AUH: variants seen among roughly 807,000 people sequenced by gnomAD.
AUH encodes AU RNA binding methylglutaconyl-CoA hydratase, also known as methylglutaconyl-CoA hydratase, mitochondrial.
Under a neutral mutation model 42.3 loss-of-function variants are expected in AUH, and 29 were observed. The ratio of observed to expected loss-of-function variants is 0.69; its 90% confidence interval spans 0.51 to 0.93. The LOEUF (loss-of-function observed/expected upper bound fraction) is 0.93, where lower values mean the gene tolerates loss of function less well. Ranked by LOEUF, AUH falls within the 40% of genes least tolerant of loss-of-function variation. The pLI is 0.00. For synonymous variants in AUH, 174 were observed against 166.4 expected, an observed-to-expected ratio of 1.05 and a Z score of -0.35; for missense variants, 452 against 438.1, an observed-to-expected ratio of 1.03 and a Z score of -0.28.
intron 6 of AUH, among the ~76,000 whole-genome samples, chr9:91,238,293 A>G (rs963887444): frequency 2.6e-5 from 4 of 152,180 alleles, no homozygotes; most frequent in African/African-American, 9.6e-5. Context: ...AAGCCTTGCA[A>G]TCAGGTCTGC....
chr9:91,257,417 G>C (rs964269870), intron 6 of AUH, among the ~76,000 whole-genome samples: 10 of 152,100 alleles, frequency 6.6e-5, no homozygotes, highest in African/African-American at 2.2e-4. Flanking sequence ...GCCACCCAGA[G>C]AACAGGAGCA....
chr9:91,267,106 T>C (rs1449999448), intron 6 of AUH, among the ~76,000 whole-genome samples: 1 of 152,178 alleles, frequency 6.6e-6, no homozygotes, highest in Non-Finnish European at 1.5e-5. Context: ...TCATTGAAAC[T>C]TAGAACTAGC....
chr9:91,255,708 T>C (rs1454578970), intron 6 of AUH, among the ~76,000 whole-genome samples: 2 of 152,212 alleles, frequency 1.3e-5, no homozygotes, highest in Non-Finnish European at 2.9e-5. Flanking sequence ...ATATAAAAGC[T>C]ATTTATACTG....
At chr9:91,294,275 C>T (rs113778936) in intron 6 of AUH, among the ~76,000 whole-genome samples, 17,402 of 152,174 alleles carry the variant, frequency 0.11, 1,119 homozygotes, top group African/African-American at 0.17. Flanking sequence ...TCAGGCTGGG[C>T]GTGGTGGCTC....
At chr9:91,358,034 G>A (rs572190590) in intron 1 of AUH, among the ~76,000 whole-genome samples, 1 of 152,164 alleles carries the variant, frequency 6.6e-6, no homozygotes, top group African/African-American at 2.4e-5. Context: ...GACACAATTC[G>A]AGTCCAATCA....
In AUH at chr9:91,356,166, G is replaced by A. The variant is rs759369259; in HGVS notation, c.263-11C>T. 3.1e-6 allele frequency: 5 copies of A among 1,612,118 alleles called. No individual in the cohort carries two copies. In the Admixed American group the frequency reaches 8.3e-5, roughly 27 times the overall value. On this transcript the variant is annotated splice_polypyrimidine_tract_variant and intron_variant, in intron 1 of 9. Coordinates refer to ENST00000375731, the MANE Select transcript of AUH (RefSeq NM_001698.3). Reference sequence around the variant, plus strand: ...CAAGCACCACAATTCCTAGTTAAAGGGGAAAAAAAGTACAAGCACTTGAGT... The same window carrying A: ...CAAGCACCACAATTCCTAGTTAAAGAGGAAAAAAAGTACAAGCACTTGAGT...
intron 3 of AUH, among the ~76,000 whole-genome samples, chr9:91,329,028 CTTTT>C (rs749149990): frequency 1.6e-4 from 25 of 152,206 alleles, no homozygotes; most frequent in Admixed American, 1.1e-3. Context: ...AATATGTGGT[CTTTT>C]TTTGTCTGTT....
chr9:91,357,086 G>T (rs1832470440), intron 1 of AUH, among the ~76,000 whole-genome samples: 1 of 152,210 alleles, frequency 6.6e-6, no homozygotes. Context: ...GAGTAAATTT[G>T]CAAGAATTCC....
chr9:91,320,714 A>G (rs1471474781), intron 4 of AUH, among the ~76,000 whole-genome samples: 1 of 152,226 alleles, frequency 6.6e-6, no homozygotes, highest in African/African-American at 2.4e-5. Flanking sequence ...CGTGGACAGA[A>G]AATATGGTCT....
chr9:91,233,245 C>G (rs1827991481), intron 6 of AUH, among the ~76,000 whole-genome samples: 1 of 152,138 alleles, frequency 6.6e-6, no homozygotes, highest in Admixed American at 6.5e-5. Flanking sequence ...GACACTGGAG[C>G]TGAGGCAGGA....
At position 91,355,826 on chromosome 9, in the gene AUH, A is replaced by G. The variant is rs1832366788; in HGVS notation, c.418+57T>C. The G allele has an allele frequency of 2.8e-6, 4 of 1,453,894 alleles. No individual in the cohort carries two copies. The Admixed American group carries it at 5.0e-5, about 18-fold the overall frequency. 90.1% of individuals were successfully genotyped at this position (1,453,894 alleles called of 1,614,324 possible). On this transcript the variant is annotated intron_variant, in intron 3 of 9. Coordinates refer to ENST00000375731, the MANE Select transcript of AUH (RefSeq NM_001698.3). ...AGAACATTCTAATGGAAAACAGATT[A>G]CTATTGAGGAAAAATCAGACTACAG...
intron 3 of AUH, among the ~76,000 whole-genome samples, chr9:91,325,894 T>TACA (rs1829934755): frequency 2.6e-5 from 4 of 152,192 alleles, no homozygotes; most frequent in Non-Finnish European, 4.4e-5. Context: ...AAGGGCAGAT[T>TACA]ACACTTTGGT....
chr9:91,244,470 T>G (rs2131354948), intron 6 of AUH, among the ~76,000 whole-genome samples: 1 of 152,336 alleles, frequency 6.6e-6, no homozygotes, highest in East Asian at 1.9e-4. Flanking sequence ...AATAAACATG[T>G]TTTAACAAAT....
intron 6 of AUH, among the ~76,000 whole-genome samples, chr9:91,283,057 T>C (rs1476540403): frequency 1.3e-5 from 2 of 152,062 alleles, no homozygotes; most frequent in Non-Finnish European, 2.9e-5. Context: ...GGTGCAAAAA[T>C]CCTCAATAAA....
intron 3 of AUH, among the ~76,000 whole-genome samples, chr9:91,338,410 G>A (rs1587891306): frequency 1.3e-5 from 2 of 150,534 alleles, no homozygotes; most frequent in Admixed American, 1.3e-4. Flanking sequence ...TGAACTAACA[G>A]AGACTGATTT....
chr9:91,246,946 C>A (rs527601056), intron 6 of AUH, among the ~76,000 whole-genome samples: 1 of 152,344 alleles, frequency 6.6e-6, no homozygotes, highest in East Asian at 1.9e-4. Context: ...GGAGCCATGC[C>A]AGCAATGCCT....
intron 6 of AUH, among the ~76,000 whole-genome samples, chr9:91,277,690 T>G (rs752760065): frequency 2.6e-4 from 40 of 152,334 alleles, no homozygotes; most frequent in Middle Eastern, 3.4e-3. Flanking sequence ...CTGTTTTCCC[T>G]ATTGTTTGAA....
rs540613783 is a variant in AUH, at chr9:91,214,289, G to A, written c.*59C>T. 3.5e-5 allele frequency: 50 copies of A among 1,448,446 alleles called. 2 individuals carry two copies. The highest frequency in any genetic ancestry group is 3.5e-4 in the South Asian group (29 of 84,052). 89.7% of individuals were successfully genotyped at this position (1,448,446 alleles called of 1,614,324 possible). A position where few individuals can be genotyped will look rare whatever the true frequency, so the allele number is the denominator to read the frequency against. Reference sequence around the variant, plus strand: ...ATGTGCTGAGGCATATAGTGGATCCGAAAGACACTTCCAGGAAGTACATTT... The same window carrying A: ...ATGTGCTGAGGCATATAGTGGATCCAAAAGACACTTCCAGGAAGTACATTT... On this transcript the variant is annotated 3_prime_UTR_variant, in exon 10 of 10. Transcript: ENST00000375731.
chr9:91,281,910 C>T (rs1338847294), intron 6 of AUH, among the ~76,000 whole-genome samples: 1 of 152,152 alleles, frequency 6.6e-6, no homozygotes, highest in South Asian at 2.1e-4. Flanking sequence ...CTATTGTCTG[C>T]TCCTAACACA....
Sources: allele counts gnomAD v4.1 joint callset (sites outside exome capture counted in the v4.1 genomes callset), GRCh38; gene constraint gnomAD v4.1.1; transcripts MANE v1.5; gene names NCBI Gene and HGNC (gene_info 2026-07-23, HGNC 2026-07-21).